Variants in FGD5 observed in about 807,000 individuals in gnomAD.
FGD5 encodes FYVE, RhoGEF and PH domain-containing protein 5.
In FGD5, 28 loss-of-function variants were observed where a neutral mutation model predicts 133.4. The ratio of observed to expected loss-of-function variants is 0.21; its 90% CI spans 0.16 to 0.29. The LOEUF is 0.29. FGD5 is among the 10% of genes least tolerant of loss of function. The pLI is 1.00. For synonymous variants in FGD5, 810 were observed against 776.5 expected, an observed-to-expected ratio of 1.04 and a Z score of -0.72; for missense variants, 1,858 against 1,895.2, an observed-to-expected ratio of 0.98 and a Z score of 0.36.
intron 9 of FGD5, 77 bp downstream of exon 9, chr3:14,901,138 A>G: frequency 6.8e-7 from 1 of 1,471,302 alleles, no homozygotes; most frequent in Non-Finnish European, 9.5e-7. Context: ...CAGCCTTCTG[A>G]TGCCCCACTC....
At chr3:14,815,929 A>G (rs114950146), upstream of FGD5, among the ~76,000 whole-genome samples, 323 of 152,308 alleles carry the variant, frequency 2.1e-3, 2 homozygotes, top group African/African-American at 7.0e-3. Context: ...TCCTTCAGTG[A>G]GGGTCAGATG....
intron 1 of FGD5, among the ~76,000 whole-genome samples, chr3:14,859,167 G>A (rs1330016401): frequency 2.0e-5 from 3 of 152,172 alleles, no homozygotes; most frequent in Admixed American, 6.5e-5. Flanking sequence ...GGGGTACAAT[G>A]TGATGTTTTA....
intron 2 of FGD5, among the ~76,000 whole-genome samples, chr3:14,866,109 T>C (rs2037488804): frequency 6.6e-6 from 1 of 152,146 alleles, no homozygotes. Flanking sequence ...CGCCTTGTGA[T>C]GTACCCCACC....
chr3:14,842,606 A>G (rs1430773344), intron 1 of FGD5, among the ~76,000 whole-genome samples: 1 of 152,146 alleles, frequency 6.6e-6, no homozygotes. Flanking sequence ...CTCTCCCGGA[A>G]GACTTTGTGC....
intron 1 of FGD5, among the ~76,000 whole-genome samples, chr3:14,846,559 A>G (rs1032368414): frequency 6.6e-6 from 1 of 152,214 alleles, no homozygotes; most frequent in African/African-American, 2.4e-5. Context: ...GGCCTCAGAA[A>G]CTGCTCACAC....
At chr3:14,885,901 T>C (rs2037917437) in intron 4 of FGD5, among the ~76,000 whole-genome samples, 1 of 152,198 alleles carries the variant, frequency 6.6e-6, no homozygotes, top group Non-Finnish European at 1.5e-5. Flanking sequence ...GGAGAGATTG[T>C]TGTGGGTGTT....
Position 14,897,987 on chromosome 3 carries a change from G to C in FGD5, c.2958G>C (p.Gly986=), listed in dbSNP as rs773592779. Residue 986 remains glycine (G), a synonymous_variant, in exon 6 of 20, where the codon GGG becomes GGC. Transcript: ENST00000285046. ...ACGTCTTCCTGGCCCGGGAGCAGGG[G>C]TTTGATCACCACGCCACTCACATCC... ...VADVFLAREQ[G]FDHHATHILQ... 7.4e-6 allele frequency: 12 copies of C among 1,613,844 alleles called. No homozygotes were observed. Among genetic ancestry groups the C allele is most frequent in the Non-Finnish European group, 1.0e-5 (12 of 1,179,884 alleles).
chr3:14,926,589 C>A (rs1264746007), intron 18 of FGD5, among the ~76,000 whole-genome samples: 1 of 152,222 alleles, frequency 6.6e-6, no homozygotes, highest in Non-Finnish European at 1.5e-5. Context: ...GGAAGCTACT[C>A]CCTTTTTGTC....
Position 14,819,309 on chromosome 3 carries a change from G to T in FGD5, c.238G>T (p.Asp80Tyr). 1 of 1,534,270 alleles carries T rather than the reference G, an allele frequency of 6.5e-7. No homozygotes were observed. The highest frequency in any genetic ancestry group is 8.8e-7 in the Non-Finnish European group (1 of 1,138,114). ...RVPLREDEPK[D>Y]EGSVGNKALV... Reference sequence around the variant, plus strand: ...TCCGCTGAGGGAGGATGAACCCAAGGACGAGGGCAGTGTGGGGAACAAAGC... The same window carrying T: ...TCCGCTGAGGGAGGATGAACCCAAGTACGAGGGCAGTGTGGGGAACAAAGC... Residue 80 changes from aspartate (D) to tyrosine (Y), a missense_variant, in exon 1 of 20, where the codon GAC becomes TAC. Physicochemically the swap from Asp to Tyr is radical, Grantham distance 160. Around this residue, in one of 3 missense-constraint regions of FGD5, gnomAD observed 1,824 missense variants for 1,848.9 expected, o/e 0.99. Transcript: ENST00000285046. This position sits in a 1 kb window ranked among gnomAD's most constrained non-coding sequence, Gnocchi z 4.1.
At chr3:14,861,078 A>G (rs2037389471) in intron 1 of FGD5, among the ~76,000 whole-genome samples, 1 of 152,224 alleles carries the variant, frequency 6.6e-6, no homozygotes, top group South Asian at 2.1e-4. Context: ...GTTGGTAGCA[A>G]GTGTTATAAA....
In FGD5 at chr3:14,900,454, G is replaced by C. The variant is rs1575243428; in HGVS notation, c.3205+1G>C. The C allele has an allele frequency of 6.2e-7, 1 of 1,613,228 alleles. No homozygotes were observed. Among genetic ancestry groups the C allele is most frequent in the Non-Finnish European group, 8.5e-7 (1 of 1,179,584 alleles). On this transcript the variant is annotated splice_donor_variant, in intron 8 of 19. Transcript: ENST00000285046. LOFTEE classifies it high-confidence loss of function. Reference sequence around the variant, plus strand: ...TCCGCCGAGTACGACAACACACAGGGTGAGTCCAGCGTGAATGCGGAGGGA... The same window carrying C: ...TCCGCCGAGTACGACAACACACAGGCTGAGTCCAGCGTGAATGCGGAGGGA...
chr3:14,907,548 C>A, intron 9 of FGD5, 92 bp from the exon 10 acceptor site: 1 of 1,214,150 alleles, frequency 8.2e-7, no homozygotes, highest in Non-Finnish European at 1.2e-6. Flanking sequence ...TCATTTTTGT[C>A]TGAAACAGAA....
intron 2 of FGD5, among the ~76,000 whole-genome samples, chr3:14,878,091 C>T (rs755686689): frequency 6.6e-6 from 1 of 152,028 alleles, no homozygotes; most frequent in Non-Finnish European, 1.5e-5. Flanking sequence ...CTGAAGGAAC[C>T]AGAAAATACA....
At chr3:14,844,803 T>C (rs2037014607) in intron 1 of FGD5, among the ~76,000 whole-genome samples, 1 of 152,184 alleles carries the variant, frequency 6.6e-6, no homozygotes, top group Non-Finnish European at 1.5e-5. Flanking sequence ...CCCAGTGTTG[T>C]GCTCGAATCA....
chr3:14,915,289 G>A (rs1257980537), intron 11 of FGD5, among the ~76,000 whole-genome samples: 2 of 152,200 alleles, frequency 1.3e-5, no homozygotes, highest in African/African-American at 2.4e-5. Context: ...GCTAGCTGTG[G>A]GAAAACTCAT....
chr3:14,914,867 CAG>C (rs2125148354), intron 11 of FGD5, among the ~76,000 whole-genome samples: 1 of 152,320 alleles, frequency 6.6e-6, no homozygotes, highest in Non-Finnish European at 1.5e-5. Context: ...GGAGTGAAGT[CAG>C]GGTTTTGGTC....
At chr3:14,833,944 G>A (rs2036766680) in intron 1 of FGD5, among the ~76,000 whole-genome samples, 1 of 152,114 alleles carries the variant, frequency 6.6e-6, no homozygotes, top group South Asian at 2.1e-4. Context: ...GGGAAGGGTG[G>A]TTATGGGGTC....
At chr3:14,867,646 A>G (rs2037521848) in intron 2 of FGD5, among the ~76,000 whole-genome samples, 1 of 146,380 alleles carries the variant, frequency 6.8e-6, no homozygotes, top group Non-Finnish European at 1.5e-5. Flanking sequence ...TGGAGATGGG[A>G]AGGGAGGTTT....
chr3:14,898,216 G>C, intron 6 of FGD5, 121 bp downstream of exon 6: 1 of 1,311,274 alleles, frequency 7.6e-7, no homozygotes, highest in South Asian at 1.3e-5. Context: ...AGACAGGGAA[G>C]ACCTGGCCAG....
Sources: gnomAD v4.1 joint callset for allele counts (sites outside exome capture counted in the v4.1 genomes callset) on GRCh38, gnomAD v4.1.1 for gene constraint, gnomAD v4.1.1 regional missense constraint, Gnocchi (gnomAD v3.1) non-coding constraint, MANE v1.5 for transcripts, NCBI Gene and HGNC (gene_info 2026-07-23, HGNC 2026-07-21) for gene names.